The following LMBR1 variants were observed in gnomAD, a reference collection of about 807,000 sequenced individuals.
LMBR1 encodes the protein limb region 1 protein homolog.
A neutral mutation model predicts 73.9 loss-of-function variants in LMBR1; 52 were observed. The observed-to-expected ratio is 0.70, with a 90% CI of 0.56 to 0.89. The LOEUF is 0.89. Among genes scored for constraint, LMBR1 ranks in the 40% least tolerant of loss-of-function variants. The pLI is 0.00. For synonymous variants in LMBR1, 215 were observed against 209.4 expected (o/e 1.03, Z -0.23); for missense variants, 539 against 579.8 (o/e 0.93, Z 0.72).
Position 156,679,898 on chromosome 7 carries a change from T to G in LMBR1, c.*4180A>C, listed in dbSNP as rs924383878. Reference sequence around the variant, plus strand: ...TGATTATAGTTAACCTTGAAAAAATTTTTTCCTAATTAAAGAACACAGAAT... The same window carrying G: ...TGATTATAGTTAACCTTGAAAAAATGTTTTCCTAATTAAAGAACACAGAAT... On this transcript the variant is annotated 3_prime_UTR_variant, in exon 17 of 17. Transcript: ENST00000353442. 2.6e-5 allele frequency: 4 copies of G among 152,170 alleles called. No individual in the cohort carries two copies. The highest frequency in any genetic ancestry group is 7.2e-5 in the African/African-American group (3 of 41,442). The allele number at this position is 152,170 out of a possible 1,614,324, so 9.4% of individuals were successfully genotyped here. A position where few individuals can be genotyped will look rare whatever the true frequency, so the allele number is the denominator to read the frequency against.
At chr7:156,713,248 G>A (rs1023829299) in intron 15 of LMBR1, among the ~76,000 whole-genome samples, 11 of 151,944 alleles carry the variant, frequency 7.2e-5, no homozygotes, top group African/African-American at 2.7e-4. Flanking sequence ...GAGAGAGAGG[G>A]ATAAATAGAC....
At chr7:156,760,057 G>C (rs1283948909) in intron 8 of LMBR1, among the ~76,000 whole-genome samples, 1 of 152,188 alleles carries the variant, frequency 6.6e-6, no homozygotes, top group African/African-American at 2.4e-5. Context: ...GGTGACCAGG[G>C]GTGAGTCAGG....
At chr7:156,770,674 A>C (rs1825009960) in intron 5 of LMBR1, among the ~76,000 whole-genome samples, 1 of 152,104 alleles carries the variant, frequency 6.6e-6, no homozygotes, top group African/African-American at 2.4e-5. Context: ...AGTACTTTTA[A>C]AGGGGGAGGC....
intron 1 of LMBR1, among the ~76,000 whole-genome samples, chr7:156,876,875 A>G (rs1462427996): frequency 1.3e-5 from 2 of 152,324 alleles, no homozygotes; most frequent in Non-Finnish European, 2.9e-5. Context: ...AGTCTGAAAG[A>G]GCACAAATAG....
intron 5 of LMBR1, 113 bp from the exon 6 acceptor site, chr7:156,763,908 A>G (rs1823604923): frequency 3.8e-6 from 3 of 787,062 alleles, no homozygotes; most frequent in Non-Finnish European, 5.5e-6. Flanking sequence ...GGAAATTTAT[A>G]TTTATTAAAA....
intron 5 of LMBR1, among the ~76,000 whole-genome samples, chr7:156,790,068 T>A (rs1044650307): frequency 1.3e-5 from 2 of 152,120 alleles, no homozygotes; most frequent in African/African-American, 4.8e-5. Flanking sequence ...GTTTGAAGTT[T>A]AGTTATCTAT....
intron 4 of LMBR1, among the ~76,000 whole-genome samples, chr7:156,807,483 T>C (rs1426392049): frequency 1.3e-5 from 2 of 152,238 alleles, no homozygotes; most frequent in Non-Finnish European, 2.9e-5. Context: ...GTGTTCATAA[T>C]ATGCAATTAT....
rs952603428 is a variant in LMBR1 at position 156,811,606 on chromosome 7, C to T, written c.319+14999G>A. Among the ~76,000 whole-genome samples the T allele has an allele frequency of 1.2e-4, 15 of 124,806 alleles. No homozygotes were observed. In the East Asian group the frequency reaches 3.6e-3, roughly 30 times the overall value. The allele number at this position is 124,806 out of a possible 152,430, so 81.9% of individuals were successfully genotyped here. On this transcript the variant is annotated intron_variant, in intron 4 of 16. Transcript: ENST00000353442. ...CCTGGGCGACAGAGTCAGACTCCGTCTCAAAAAAAAAAAAGAATTGTTTTC... is the reference window on the plus strand; with the variant it reads ...CCTGGGCGACAGAGTCAGACTCCGTTTCAAAAAAAAAAAAGAATTGTTTTC...
chr7:156,731,073 A>G (rs1158726473), intron 10 of LMBR1, among the ~76,000 whole-genome samples: 7 of 152,214 alleles, frequency 4.6e-5, no homozygotes. Context: ...TAAGTGATAA[A>G]TGGAAAATTT....
At chr7:156,815,089 G>A (rs1306981606) in intron 4 of LMBR1, among the ~76,000 whole-genome samples, 2 of 149,886 alleles carry the variant, frequency 1.3e-5, no homozygotes, top group Non-Finnish European at 3.0e-5. Context: ...CTGGGAAGAA[G>A]AGGTTGTGGT....
At chr7:156,892,878 G>T in intron 1 of LMBR1, 50 bp downstream of exon 1, 1 of 1,352,380 alleles carries the variant, frequency 7.4e-7, no homozygotes, top group South Asian at 1.5e-5. Context: ...GGGGACGGAG[G>T]GCCCGGGCGG....
chr7:156,753,178 C>T (rs1192968330), intron 9 of LMBR1, among the ~76,000 whole-genome samples: 2 of 151,928 alleles, frequency 1.3e-5, no homozygotes, highest in Admixed American at 6.6e-5. Flanking sequence ...CAGGGACAGG[C>T]AAGGAGTGTC....
In LMBR1 at chr7:156,841,358, T is replaced by C. The variant is rs1420317410; in HGVS notation, c.67-4473A>G. Reference sequence around the variant, plus strand: ...CCATTCAGAAGAAAGGGCCAGGCCATAAATTTTTTAAAACCTTAGAATCAT... The same window carrying C: ...CCATTCAGAAGAAAGGGCCAGGCCACAAATTTTTTAAAACCTTAGAATCAT... On this transcript the variant is annotated intron_variant, in intron 1 of 16. Transcript: ENST00000353442. Among the ~76,000 whole-genome samples the C allele has an allele frequency of 2.0e-5, 3 of 152,122 alleles. No individual in the cohort carries two copies. The East Asian group carries it at 5.8e-4, about 29-fold the overall frequency.
At chr7:156,890,304 A>G (rs915842099) in intron 1 of LMBR1, among the ~76,000 whole-genome samples, 2 of 152,048 alleles carry the variant, frequency 1.3e-5, no homozygotes, top group Non-Finnish European at 2.9e-5. Context: ...CGGGACATTA[A>G]AAGTACTCAA....
At chr7:156,702,444 T>C (rs1377137167) in intron 15 of LMBR1, among the ~76,000 whole-genome samples, 1 of 152,260 alleles carries the variant, frequency 6.6e-6, no homozygotes, top group East Asian at 1.9e-4. Context: ...TGTATGTTCA[T>C]GTCCTTTGCC....
intron 5 of LMBR1, among the ~76,000 whole-genome samples, chr7:156,793,822 T>C (rs928217165): frequency 5.9e-5 from 9 of 152,198 alleles, no homozygotes; most frequent in Admixed American, 5.2e-4. Context: ...TCACATCTCA[T>C]TTAATCACCA....
In LMBR1 at chr7:156,721,005, AG is replaced by A. The variant is rs141549977; in HGVS notation, c.1225+3106del. On this transcript the variant is annotated intron_variant, in intron 15 of 16. Coordinates refer to ENST00000353442, the MANE Select transcript of LMBR1 (RefSeq NM_022458.4). ...AAGGTCCCTTCATCAAGAAGCAAAA[AG>A]GAATAATCTACTTTAACTCCTGTAA... 1.4e-3 allele frequency among the ~76,000 whole-genome samples: 220 copies of A among 152,190 alleles called. 10 individuals are homozygous for A. In the East Asian group the frequency reaches 0.038, roughly 26 times the overall value.
At chr7:156,786,983 T>G (rs1828218117) in intron 5 of LMBR1, among the ~76,000 whole-genome samples, 1 of 152,152 alleles carries the variant, frequency 6.6e-6, no homozygotes, top group Admixed American at 6.5e-5. Flanking sequence ...GCTTAGGATT[T>G]TCCAACAATA....
intron 4 of LMBR1, among the ~76,000 whole-genome samples, chr7:156,801,396 G>A (rs961194615): frequency 6.6e-6 from 1 of 152,178 alleles, no homozygotes; most frequent in Non-Finnish European, 1.5e-5. Context: ...GCATTATAGT[G>A]TTAAGTATAA....
Sources: gnomAD v4.1 joint callset for allele counts (sites outside exome capture counted in the v4.1 genomes callset) on GRCh38, gnomAD v4.1.1 for gene constraint, MANE v1.5 for transcripts, NCBI Gene and HGNC (gene_info 2026-07-23, HGNC 2026-07-21) for gene names.